The following PLEKHB1 variants were observed in gnomAD, a reference collection of about 807,000 sequenced individuals.
PLEKHB1 encodes the protein pleckstrin homology domain containing B1.
PLEKHB1 carries 29 observed loss-of-function variants against 36.2 expected under a neutral mutation model. That is an observed-to-expected ratio of 0.80 (90% CI 0.60 to 1.09). The LOEUF (loss-of-function observed/expected upper bound fraction) is 1.09, where lower values mean the gene tolerates loss of function less well. PLEKHB1 is among the 50% of genes least tolerant of loss of function. The pLI is 0.00. For synonymous variants in PLEKHB1, 138 were observed against 140.0 expected (o/e 0.99, Z 0.10); for missense variants, 330 against 348.2 (o/e 0.95, Z 0.42).
At chr11:73,655,987 C>A (rs1254293926) in intron 6 of PLEKHB1, 80 bp downstream of exon 6, 2 of 1,204,548 alleles carry the variant, frequency 1.7e-6, no homozygotes, top group Non-Finnish European at 2.4e-6. Flanking sequence ...TCCATCCCTT[C>A]CCTGTGACAA....
At chr11:73,650,457 G>A in intron 2 of PLEKHB1, 96 bp from the exon 3 acceptor site, 2 of 1,356,462 alleles carry the variant, frequency 1.5e-6, no homozygotes, top group Non-Finnish European at 9.9e-7. Flanking sequence ...GTAACACTAG[G>A]GACTGAGGCT....
At chr11:73,656,924 G>GGCA (rs1321627710) in intron 6 of PLEKHB1, among the ~76,000 whole-genome samples, 1 of 152,108 alleles carries the variant, frequency 6.6e-6, no homozygotes, top group Non-Finnish European at 1.5e-5. Flanking sequence ...AGGCTGAGGC[G>GGCA]GGCAGGTTGC....
In PLEKHB1 at chr11:73,661,632, G is replaced by T. The variant is rs1376713693; in HGVS notation, c.*30G>T. On this transcript the variant is annotated 3_prime_UTR_variant, in exon 8 of 8. Transcript: ENST00000354190. The surrounding 1 kb of genome is among the most constrained non-coding windows in gnomAD (Gnocchi z 4.6). ...TGGGACTCGGAGCACTGACCCCTGC[G>T]CTTGGATTGCTAGACTCCTCTTCCT... The T allele has an allele frequency of 1.9e-6, 3 of 1,539,646 alleles. No homozygotes were observed. Among genetic ancestry groups the T allele is most frequent in the Non-Finnish European group, 2.6e-6 (3 of 1,147,342 alleles).
Position 73,649,080 on chromosome 11 carries a change from G to A in PLEKHB1, c.87G>A (p.Trp29Ter). ...EMALVRGGWL[W>*]RQSSILRRWK... ...CCCTGGTGAGGGGCGGCTGGCTGTG[G>A]AGACAGAGTGAGTGATCCTGGGCCC... The change falls in exon 2 of 8, where the codon TGG becomes TGA. Residue 29 changes from tryptophan (W) to a stop codon, truncating the protein, a stop_gained. Coordinates refer to ENST00000354190, the MANE Select transcript of PLEKHB1 (RefSeq NM_021200.3). LOFTEE classifies it high-confidence loss of function. 1 of 1,595,968 alleles carries A rather than the reference G, an allele frequency of 6.3e-7. No individual in the cohort carries two copies. The highest frequency in any genetic ancestry group is 8.5e-7 in the Non-Finnish European group (1 of 1,171,258).
At position 73,661,978 on chromosome 11, in the gene PLEKHB1, C is replaced by T. The variant is rs113675321; in HGVS notation, c.*376C>T. ...CTCTCTGCTCTCTCCTTAGGGAGCTCGAGTCCTGGTGGGGAGAACAGGAGT... is the reference window on the plus strand; with the variant it reads ...CTCTCTGCTCTCTCCTTAGGGAGCTTGAGTCCTGGTGGGGAGAACAGGAGT... On this transcript the variant is annotated 3_prime_UTR_variant, in exon 8 of 8. Coordinates refer to ENST00000354190, the MANE Select transcript of PLEKHB1 (RefSeq NM_021200.3). This position sits in a 1 kb window ranked among gnomAD's most constrained non-coding sequence, Gnocchi z 4.6. The T allele has an allele frequency of 2.2e-4, 44 of 198,820 alleles. 1 individual carries two copies. The highest frequency in any genetic ancestry group is 9.3e-4 in the African/African-American group (40 of 43,126). 12.3% of individuals were successfully genotyped at this position (198,820 alleles called of 1,614,324 possible).
At chr11:73,648,643 A>C in intron 1 of PLEKHB1, 1 of 1,016,156 alleles carries the variant, frequency 9.8e-7, no homozygotes, top group South Asian at 4.0e-5. Flanking sequence ...GCATATTCTA[A>C]TGTTTCAAGA....
At chr11:73,653,047 C>G (rs781182303) in intron 5 of PLEKHB1, 33 bp downstream of exon 5, 22 of 1,592,928 alleles carry the variant, frequency 1.4e-5, no homozygotes, top group East Asian at 6.8e-5. Context: ...CTTTCCCCAC[C>G]ACCTCCATGT....
intron 5 of PLEKHB1, among the ~76,000 whole-genome samples, chr11:73,654,381 C>G (rs1196743118): frequency 6.6e-6 from 1 of 152,198 alleles, no homozygotes; most frequent in Non-Finnish European, 1.5e-5. Flanking sequence ...CAGGGGAGAC[C>G]TGGATGCATT....
intron 2 of PLEKHB1, 27 bp from the exon 3 acceptor site, chr11:73,650,526 G>T (rs1280101674): frequency 6.3e-7 from 1 of 1,587,374 alleles, no homozygotes; most frequent in Non-Finnish European, 8.6e-7. Context: ...GGATCAGCCT[G>T]CCTAGTGCAT....
Position 73,652,995 on chromosome 11 carries a change from T to A in PLEKHB1, c.371T>A (p.Leu124Gln), listed in dbSNP as rs1488497288. 1 of 1,610,226 alleles carries A rather than the reference T, an allele frequency of 6.2e-7. No homozygotes were observed. Among genetic ancestry groups the A allele is most frequent in the East Asian group, 2.2e-5 (1 of 44,724 alleles). Residue 124 changes from leucine to glutamine, a missense_variant, in exon 5 of 8, where the codon CTG becomes CAG. Transcript: ENST00000354190. ...TGCAGAGCATGGAAGACAGCACTGCTGGAGGCAAACTCCACCCCGGTGAGT... is the reference window on the plus strand; with the variant it reads ...TGCAGAGCATGGAAGACAGCACTGCAGGAGGCAAACTCCACCCCGGTGAGT... ...DDALAWKTAL[L>Q]EANSTPAPAG...
chr11:73,652,743 C>G, intron 4 of PLEKHB1: 1 of 478,718 alleles, frequency 2.1e-6, no homozygotes, highest in Non-Finnish European at 3.7e-6. Context: ...GATGAGGAAA[C>G]TGGAACTTCT....
Position 73,650,671 on chromosome 11 carries a change from T to C in PLEKHB1, c.213T>C (p.Asn71=), listed in dbSNP as rs541641714. The C allele has an allele frequency of 8.1e-6, 13 of 1,610,422 alleles. No individual in the cohort carries two copies. In the East Asian group the frequency reaches 8.9e-5, roughly 11 times the overall value. Residue 71 remains asparagine, a synonymous_variant, in exon 3 of 8, where the codon AAT becomes AAC. Coordinates refer to ENST00000354190, the MANE Select transcript of PLEKHB1 (RefSeq NM_021200.3). ...AGGACCGTGTGCTCATCCACTTCAA[T>C]GTCCGTGACATAAAGATCGGCCCAG... ...DEEDRVLIHF[N]VRDIKIGPEC...
chr11:73,660,950 T>G (rs1945100184), intron 7 of PLEKHB1, 98 bp downstream of exon 7: 5 of 1,124,164 alleles, frequency 4.4e-6, no homozygotes, highest in Non-Finnish European at 1.3e-6. Flanking sequence ...GCTTCATCCT[T>G]TTAGCGTGCA....
chr11:73,659,385 T>G (rs574131865), intron 6 of PLEKHB1, among the ~76,000 whole-genome samples: 4 of 152,194 alleles, frequency 2.6e-5, no homozygotes, highest in African/African-American at 9.6e-5. Flanking sequence ...CAGGGTGGAA[T>G]GGGGCTAAGA....
intron 2 of PLEKHB1, among the ~76,000 whole-genome samples, 176 bp downstream of exon 2, chr11:73,649,263 T>G (rs553896050): frequency 1.1e-4 from 17 of 152,294 alleles, no homozygotes; most frequent in African/African-American, 3.8e-4. Flanking sequence ...TTTAAACTTC[T>G]ATTTGTTCAT....
At chr11:73,658,673 G>A in intron 6 of PLEKHB1, among the ~76,000 whole-genome samples, 1 of 152,074 alleles carries the variant, frequency 6.6e-6, no homozygotes, top group Non-Finnish European at 1.5e-5. Context: ...CTGGAGTGCA[G>A]TGGTGCAAAC....
At chr11:73,653,255 A>C (rs1391129087) in intron 5 of PLEKHB1, 7 of 661,596 alleles carry the variant, frequency 1.1e-5, no homozygotes, top group Non-Finnish European at 1.9e-5. Context: ...TGAGCTGGGG[A>C]GAAGGAACTG....
chr11:73,648,708 A>C (rs891725373), intron 1 of PLEKHB1: 1 of 1,108,190 alleles, frequency 9.0e-7, no homozygotes, highest in Non-Finnish European at 1.1e-6. Flanking sequence ...AGATCTAGAA[A>C]CTGAGACCAG....
rs773191272 is a variant in PLEKHB1, at chr11:73,651,775, T to C, written c.248-13T>C. 4.3e-6 allele frequency: 7 copies of C among 1,610,072 alleles called. No homozygotes were observed. The highest frequency in any genetic ancestry group is 5.9e-6 in the Non-Finnish European group (7 of 1,177,478). Reference sequence around the variant, plus strand: ...GTGCCTGTGGAAACCCATATATGTGTGTCTGCTTCCAGATGTGCAGCCCCC... The same window carrying C: ...GTGCCTGTGGAAACCCATATATGTGCGTCTGCTTCCAGATGTGCAGCCCCC... On this transcript the variant is annotated splice_polypyrimidine_tract_variant and intron_variant, in intron 3 of 7. Transcript: ENST00000354190.
Sources: gnomAD v4.1 joint callset for allele counts (sites outside exome capture counted in the v4.1 genomes callset) on GRCh38, gnomAD v4.1.1 for gene constraint, Gnocchi (gnomAD v3.1) non-coding constraint, MANE v1.5 for transcripts, NCBI Gene and HGNC (gene_info 2026-07-23, HGNC 2026-07-21) for gene names.